Variants in DGKB observed in about 807,000 individuals in gnomAD.
The protein encoded by DGKB is diacylglycerol kinase beta.
A neutral mutation model predicts 114.3 loss-of-function variants in DGKB; 67 were observed. The ratio of observed to expected loss-of-function variants is 0.59; its 90% CI spans 0.48 to 0.72. The LOEUF (loss-of-function observed/expected upper bound fraction) is 0.72, where lower values mean the gene tolerates loss of function less well. Among genes scored for constraint, DGKB ranks in the 30% least tolerant of loss-of-function variants. DGKB has a pLI of 0.00. For synonymous variants in DGKB, 398 were observed against 323.1 expected (o/e 1.23, Z -2.49); for missense variants, 907 against 975.2 (o/e 0.93, Z 0.93).
chr7:14,944,600 G>A (rs538732858), intron 1 of DGKB, among the ~76,000 whole-genome samples: 2 of 151,796 alleles, frequency 1.3e-5, no homozygotes, highest in African/African-American at 4.8e-5. Context: ...TTTCATCCCA[G>A]TGACTCCTAA....
intron 23 of DGKB, among the ~76,000 whole-genome samples, chr7:14,294,976 A>C (rs535445782): frequency 1.3e-5 from 2 of 152,286 alleles, no homozygotes; most frequent in South Asian, 4.1e-4. Flanking sequence ...AAATTTTTCC[A>C]AATGGAGATG....
Position 14,384,091 on chromosome 7 carries a change from G to C in DGKB, c.1836-38700C>G, listed in dbSNP as rs566950944. On this transcript the variant is annotated intron_variant, in intron 21 of 25. Transcript: ENST00000402815. ...TTAGTCATTCCTACCTTAATTTTAG[G>C]TGCATGATACCAAAATGTTAACATA... Among the ~76,000 whole-genome samples, 11 of 152,218 alleles carry C rather than the reference G, an allele frequency of 7.2e-5. No individual in the cohort carries two copies. The Middle Eastern group carries it at 0.01, about 141-fold the overall frequency.
intron 11 of DGKB, 39 bp downstream of exon 11, chr7:14,682,714 A>G: frequency 1.9e-6 from 3 of 1,603,528 alleles, no homozygotes; most frequent in Non-Finnish European, 2.6e-6. Context: ...ACACTACATA[A>G]TGGCCACCTT....
intron 2 of DGKB, among the ~76,000 whole-genome samples, chr7:14,825,022 A>G (rs879416921): frequency 0.095 from 10,123 of 106,274 alleles, 716 homozygotes; most frequent in African/African-American, 0.23. Context: ...GTATGTATAT[A>G]TATATATATA....
chr7:14,419,134 AT>A (rs1826266741), intron 21 of DGKB, among the ~76,000 whole-genome samples: 2 of 151,882 alleles, frequency 1.3e-5, no homozygotes, highest in Non-Finnish European at 2.9e-5. Flanking sequence ...TCTTTACACA[AT>A]TATAATTTAT....
intron 20 of DGKB, among the ~76,000 whole-genome samples, chr7:14,508,856 GA>G (rs1194605466): frequency 6.6e-6 from 1 of 152,148 alleles, no homozygotes; most frequent in East Asian, 1.9e-4. Context: ...ACGTTTTACA[GA>G]ATTGAATTGG....
At chr7:14,964,249 T>G (rs1787026702) in intron 1 of DGKB, among the ~76,000 whole-genome samples, 1 of 152,200 alleles carries the variant, frequency 6.6e-6, no homozygotes. Context: ...CTCACACCTG[T>G]AATCCCAGCA....
At chr7:14,769,750 T>C (rs568476836) in intron 2 of DGKB, among the ~76,000 whole-genome samples, 15 of 152,108 alleles carry the variant, frequency 9.9e-5, no homozygotes, top group Admixed American at 5.2e-4. Context: ...TTCACACCTC[T>C]CCTCTAGTTT....
chr7:14,872,093 G>C (rs1356758224), intron 1 of DGKB, among the ~76,000 whole-genome samples: 1 of 152,066 alleles, frequency 6.6e-6, no homozygotes, highest in African/African-American at 2.4e-5. Context: ...AAATAAATAT[G>C]AATTTTTCAA....
intron 20 of DGKB, among the ~76,000 whole-genome samples, chr7:14,573,742 T>C (rs1458207364): frequency 1.3e-5 from 2 of 151,358 alleles, no homozygotes. Flanking sequence ...TTCTGACTTA[T>C]TAATCACTTG....
chr7:14,724,328 T>C (rs1432145487), intron 5 of DGKB, among the ~76,000 whole-genome samples: 2 of 152,200 alleles, frequency 1.3e-5, no homozygotes, highest in African/African-American at 2.4e-5. Flanking sequence ...TCAACTATGC[T>C]TGTTGTAGTA....
intron 23 of DGKB, among the ~76,000 whole-genome samples, chr7:14,323,717 G>A (rs1324582575): frequency 6.6e-6 from 1 of 152,146 alleles, no homozygotes; most frequent in Non-Finnish European, 1.5e-5. Context: ...AAGCCTACTT[G>A]GGCTTGAGTA....
intron 23 of DGKB, among the ~76,000 whole-genome samples, chr7:14,192,444 T>C (rs1784442006): frequency 6.6e-6 from 1 of 152,128 alleles, no homozygotes; most frequent in South Asian, 2.1e-4. Flanking sequence ...AAAACTTTGA[T>C]GAAAAATAAA....
chr7:14,658,987 T>G (rs183207176), intron 13 of DGKB, among the ~76,000 whole-genome samples: 1 of 151,826 alleles, frequency 6.6e-6, no homozygotes, highest in African/African-American at 2.4e-5. Context: ...TGTGCCATGG[T>G]GGTTTGCTGC....
chr7:14,365,138 A>G (rs112315353), intron 21 of DGKB, among the ~76,000 whole-genome samples: 1 of 151,596 alleles, frequency 6.6e-6, no homozygotes, highest in Non-Finnish European at 1.5e-5. Flanking sequence ...TCGCCTCCAC[A>G]GTGGTTTGTC....
chr7:14,387,279 A>G (rs1764682735), intron 21 of DGKB, among the ~76,000 whole-genome samples: 1 of 151,762 alleles, frequency 6.6e-6, no homozygotes, highest in Non-Finnish European at 1.5e-5. Flanking sequence ...TGGGCGAGGT[A>G]GCATGTGCCT....
chr7:14,487,979 A>G (rs187427661), intron 20 of DGKB, among the ~76,000 whole-genome samples: 1 of 152,288 alleles, frequency 6.6e-6, no homozygotes, highest in Admixed American at 6.5e-5. Flanking sequence ...CTGTAAATAA[A>G]AACTTATGAA....
rs140049611 is a variant in DGKB, at chr7:14,588,955, A to G, written c.1434-5818T>C. ...CAATCATGATTTTGACTGAAGTTGCATTAAAACTATATATTAATTTTGGGA... is the reference window on the plus strand; with the variant it reads ...CAATCATGATTTTGACTGAAGTTGCGTTAAAACTATATATTAATTTTGGGA... On this transcript the variant is annotated intron_variant, in intron 17 of 25. Coordinates refer to ENST00000402815, the MANE Select transcript of DGKB (RefSeq NM_001350709.2). Among the ~76,000 whole-genome samples, 699 of 152,218 alleles carry G rather than the reference A, an allele frequency of 4.6e-3. 13 individuals carry two copies. Among genetic ancestry groups the G allele is most frequent in the East Asian group, 0.023 (121 of 5,168 alleles).
chr7:14,335,901 G>C (rs1013147133), intron 23 of DGKB, among the ~76,000 whole-genome samples: 2 of 152,054 alleles, frequency 1.3e-5, no homozygotes, highest in South Asian at 2.1e-4. Flanking sequence ...CTGTAGGCCT[G>C]TGCCACCCAC....
Sources: allele counts gnomAD v4.1 joint callset (sites outside exome capture counted in the v4.1 genomes callset), GRCh38; gene constraint gnomAD v4.1.1; transcripts MANE v1.5; gene names NCBI Gene and HGNC (gene_info 2026-07-23, HGNC 2026-07-21).